Variants in GMDS observed in about 807,000 individuals in gnomAD.
GMDS encodes the protein GDP-mannose 4,6-dehydratase.
Under a neutral mutation model 49.9 loss-of-function variants are expected in GMDS, and 20 were observed. The ratio of observed to expected loss-of-function variants is 0.40; its 90% confidence interval spans 0.28 to 0.58. GMDS has a LOEUF of 0.58. GMDS is among the 20% of genes least tolerant of loss of function. The pLI is 0.42. For synonymous variants in GMDS, 177 were observed against 178.6 expected (o/e 0.99, Z 0.07); for missense variants, 362 against 481.4 (o/e 0.75, Z 2.32).
intron 7 of GMDS, among the ~76,000 whole-genome samples, chr6:1,791,481 T>A (rs1381364016): frequency 6.6e-6 from 1 of 152,194 alleles, no homozygotes; most frequent in Non-Finnish European, 1.5e-5. Context: ...AATCCCATTA[T>A]GAAGCCCTGG....
intron 4 of GMDS, among the ~76,000 whole-genome samples, chr6:2,075,250 A>AT (rs879479087): frequency 0.011 from 1,577 of 147,590 alleles, 29 homozygotes; most frequent in African/African-American, 0.036. Context: ...AATGCTATAA[A>AT]TTTTTTTTTT....
At chr6:1,626,574 C>T (rs184580969) in intron 9 of GMDS, among the ~76,000 whole-genome samples, 7 of 152,328 alleles carry the variant, frequency 4.6e-5, no homozygotes, top group South Asian at 2.1e-4. Context: ...TGGAGTCATG[C>T]AGCCCATCCC....
intron 1 of GMDS, among the ~76,000 whole-genome samples, chr6:2,151,587 T>C (rs1307226822): frequency 6.6e-6 from 1 of 152,084 alleles, no homozygotes; most frequent in East Asian, 1.9e-4. Flanking sequence ...GTGTAACCTA[T>C]TACTCATAAT....
chr6:1,855,176 C>G (rs963090356), intron 7 of GMDS, among the ~76,000 whole-genome samples: 1 of 152,174 alleles, frequency 6.6e-6, no homozygotes, highest in Non-Finnish European at 1.5e-5. Context: ...GGAAAGACAT[C>G]AGGTGGCTCC....
chr6:1,732,586 G>T (rs965977127), intron 8 of GMDS, among the ~76,000 whole-genome samples: 60 of 152,286 alleles, frequency 3.9e-4, no homozygotes, highest in African/African-American at 1.3e-3. Context: ...GAAACATGGA[G>T]ATAAATGCCA....
At chr6:2,098,150 C>G (rs1773715912) in intron 4 of GMDS, among the ~76,000 whole-genome samples, 4 of 152,142 alleles carry the variant, frequency 2.6e-5, no homozygotes, top group Admixed American at 2.6e-4. Context: ...ACCTCCGTCT[C>G]CCAGGTTCAG....
At chr6:1,878,047 C>A (rs148125891) in intron 7 of GMDS, among the ~76,000 whole-genome samples, 1 of 152,136 alleles carries the variant, frequency 6.6e-6, no homozygotes, top group Non-Finnish European at 1.5e-5. Flanking sequence ...GGCGCGGTGG[C>A]TCACGCCTGT....
At chr6:2,010,250 C>T (rs1767470674) in intron 4 of GMDS, among the ~76,000 whole-genome samples, 1 of 151,298 alleles carries the variant, frequency 6.6e-6, no homozygotes, top group Non-Finnish European at 1.5e-5. Flanking sequence ...TCGCTTGAAC[C>T]CGAGAGGCAG....
chr6:1,739,571 TC>T (rs1767179831), intron 8 of GMDS, among the ~76,000 whole-genome samples: 1 of 152,224 alleles, frequency 6.6e-6, no homozygotes, highest in Admixed American at 6.5e-5. Flanking sequence ...TGGGATCCAG[TC>T]CCACGCTGGC....
intron 4 of GMDS, among the ~76,000 whole-genome samples, chr6:2,102,022 T>A (rs1308086182): frequency 6.6e-6 from 1 of 152,122 alleles, no homozygotes; most frequent in Middle Eastern, 3.2e-3. Context: ...TTAAAGTAAG[T>A]AAGAAAGACA....
chr6:2,028,912 G>A (rs1019440441), intron 4 of GMDS, among the ~76,000 whole-genome samples: 2 of 151,872 alleles, frequency 1.3e-5, no homozygotes, highest in Middle Eastern at 3.4e-3. Context: ...TGCCAATAAT[G>A]TTTTGGGAGC....
chr6:1,938,970 C>T (rs1412385859), intron 6 of GMDS, among the ~76,000 whole-genome samples: 6 of 141,850 alleles, frequency 4.2e-5, no homozygotes, highest in Non-Finnish European at 9.2e-5. Flanking sequence ...CTCCCCTCCC[C>T]TCCCCTCCCC....
chr6:2,150,976 G>A (rs1270203761), intron 1 of GMDS, among the ~76,000 whole-genome samples: 1 of 152,080 alleles, frequency 6.6e-6, no homozygotes, highest in Non-Finnish European at 1.5e-5. Context: ...AGAAATGCCT[G>A]AACTATTAGC....
At chr6:2,159,221 G>A (rs936987709) in intron 1 of GMDS, among the ~76,000 whole-genome samples, 5 of 152,022 alleles carry the variant, frequency 3.3e-5, no homozygotes, top group African/African-American at 1.2e-4. Context: ...AATGTGAGGG[G>A]GAGGAGACAG....
intron 1 of GMDS, among the ~76,000 whole-genome samples, chr6:2,209,978 A>C (rs2127582241): frequency 6.6e-6 from 1 of 152,336 alleles, no homozygotes; most frequent in South Asian, 2.1e-4. Flanking sequence ...GCCTTAACAT[A>C]TAGAAAGGTG....
At chr6:1,823,458 T>A (rs1265445326) in intron 7 of GMDS, among the ~76,000 whole-genome samples, 1 of 152,210 alleles carries the variant, frequency 6.6e-6, no homozygotes, top group African/African-American at 2.4e-5. Flanking sequence ...CCCAATTGTA[T>A]GTTCTTACAC....
chr6:1,813,223 TAAAAAAA>T (rs56705761), intron 7 of GMDS, among the ~76,000 whole-genome samples: 1 of 85,298 alleles, frequency 1.2e-5, no homozygotes, highest in African/African-American at 5.1e-5. Flanking sequence ...CTCTGTCTCT[TAAAAAAA>T]AAAAAAAAAA....
At chr6:2,223,269 G>T (rs1780676425) in intron 1 of GMDS, among the ~76,000 whole-genome samples, 1 of 151,974 alleles carries the variant, frequency 6.6e-6, no homozygotes, top group Non-Finnish European at 1.5e-5. Context: ...GTACAAAATG[G>T]CTGGGTTACA....
chr6:1,629,586 C>T (rs1342351320), intron 9 of GMDS, among the ~76,000 whole-genome samples: 1 of 152,068 alleles, frequency 6.6e-6, no homozygotes, highest in East Asian at 1.9e-4. Context: ...CCGTGGCCAC[C>T]CTTATGGAGG....
Sources: allele counts gnomAD v4.1 joint callset (sites outside exome capture counted in the v4.1 genomes callset), GRCh38; gene constraint gnomAD v4.1.1; transcripts MANE v1.5; gene names NCBI Gene and HGNC (gene_info 2026-07-23, HGNC 2026-07-21).